ALMS1: variants seen among roughly 807,000 people sequenced by gnomAD.
The protein encoded by ALMS1 is centrosome-associated protein ALMS1.
Under a neutral mutation model 352.2 loss-of-function variants are expected in ALMS1, and 271 were observed. That is an observed-to-expected ratio of 0.77 (90% CI 0.70 to 0.85). The LOEUF (loss-of-function observed/expected upper bound fraction) is 0.85. Among genes scored for constraint, ALMS1 ranks in the 40% least tolerant of loss-of-function variants. The probability of loss-of-function intolerance (pLI) is 0.00; values close to 1 mark genes in which losing one functional copy is unlikely to be tolerated. For missense variants in ALMS1, 5,445 were observed against 4,870.7 expected, an observed-to-expected ratio of 1.12 and a Z score of -3.51; for synonymous variants, 1,865 against 1,761.2, an observed-to-expected ratio of 1.06 and a Z score of -1.48.
At chr2:73,515,056 G>T (rs1673527674) in intron 10 of ALMS1, among the ~76,000 whole-genome samples, 1 of 152,066 alleles carries the variant, frequency 6.6e-6, no homozygotes, top group Non-Finnish European at 1.5e-5. Flanking sequence ...CTTCTCCTAG[G>T]AGTAAGATTA....
intron 16 of ALMS1, among the ~76,000 whole-genome samples, chr2:73,598,910 A>C (rs573797591): frequency 6.6e-6 from 1 of 152,160 alleles, no homozygotes; most frequent in East Asian, 1.9e-4. Flanking sequence ...ACTCTCTAAT[A>C]CTTTTTGCAA....
At chr2:73,477,680 A>C (rs1010758369) in intron 9 of ALMS1, among the ~76,000 whole-genome samples, 1 of 152,252 alleles carries the variant, frequency 6.6e-6, no homozygotes, top group Admixed American at 6.5e-5. Context: ...TATACTAGAC[A>C]TATATTTATT....
intron 7 of ALMS1, among the ~76,000 whole-genome samples, chr2:73,439,762 A>G (rs149822870): frequency 2.0e-5 from 3 of 152,160 alleles, no homozygotes; most frequent in Non-Finnish European, 4.4e-5. Context: ...GATGGTCTGC[A>G]TCTCTTGACC....
rs1553404150 is a variant in ALMS1 at position 73,452,385 on chromosome 2, AG to A, written c.5860del (p.Glu1954SerfsTer12). 1 of 1,614,046 alleles carries A rather than the reference AG, an allele frequency of 6.2e-7. No homozygotes were observed. Among genetic ancestry groups the A allele is most frequent in the Non-Finnish European group, 8.5e-7 (1 of 1,179,964 alleles). Reference protein sequence around the residue: ...RREKPSVISQQELPDSHLTEE... With the variant: ...RREKPSVISQXELPDSHLTEE... Reference sequence around the variant, plus strand: ...GAGAAGCCCAGTGTTATCTCTCAACAGGAGTTGCCAGACAGTCATCTCACAG... The same window carrying A: ...GAGAAGCCCAGTGTTATCTCTCAACAGAGTTGCCAGACAGTCATCTCACAG... On this transcript the variant is annotated frameshift_variant, in exon 8 of 23. Transcript: ENST00000613296. LOFTEE classifies it high-confidence loss of function.
chr2:73,455,343 T>G (rs753902744), intron 9 of ALMS1, 48 bp downstream of exon 9: 1 of 1,607,854 alleles, frequency 6.2e-7, no homozygotes, highest in African/African-American at 1.3e-5. Context: ...AAAGAATGGG[T>G]GATGGAATTA....
intron 9 of ALMS1, among the ~76,000 whole-genome samples, chr2:73,482,699 A>G (rs1672737630): frequency 6.6e-6 from 1 of 152,112 alleles, no homozygotes; most frequent in Middle Eastern, 3.2e-3. Flanking sequence ...CTGTTAATCC[A>G]TCTGGTCCTG....
At chr2:73,593,190 GGAAA>G (rs1309018188) in intron 16 of ALMS1, among the ~76,000 whole-genome samples, 2 of 129,320 alleles carry the variant, frequency 1.5e-5, no homozygotes, top group Admixed American at 7.6e-5. Context: ...AATGGATTCA[GGAAA>G]AAAAAAAAAA....
chr2:73,511,125 C>G (rs1673443098), intron 10 of ALMS1, among the ~76,000 whole-genome samples: 1 of 152,164 alleles, frequency 6.6e-6, no homozygotes, highest in Non-Finnish European at 1.5e-5. Flanking sequence ...TGCTGGACTC[C>G]TTGGGGGTGG....
chr2:73,458,107 A>G (rs950563370), intron 9 of ALMS1: 11 of 148,868 alleles, frequency 7.4e-5, no homozygotes, highest in African/African-American at 2.7e-4. Context: ...GTACTTCACT[A>G]TACTGTCATT....
intron 12 of ALMS1, 123 bp downstream of exon 12, chr2:73,535,072 A>G: frequency 8.1e-7 from 1 of 1,230,802 alleles, no homozygotes; most frequent in Admixed American, 1.7e-5. Context: ...GGAACTTTTC[A>G]TACCTTGATC....
Position 73,490,134 on chromosome 2 carries a change from C to T in ALMS1, c.8175C>T (p.Cys2725=), listed in dbSNP as rs768328674. ...ITFSSHRHSK[C]ISNSSVVKVG... is the part of the protein sequence containing the mutation. ...TTTCATCTCACCGACATTCTAAATGCATTTCCAATTCCTCTGTTGTTAAGG... is the reference window on the plus strand; with the variant it reads ...TTTCATCTCACCGACATTCTAAATGTATTTCCAATTCCTCTGTTGTTAAGG... Residue 2725 remains cysteine, a synonymous_variant, in exon 10 of 23, where the codon TGC becomes TGT. Transcript: ENST00000613296. 6.2e-7 allele frequency: 1 copy of T among 1,614,168 alleles called. No individual in the cohort carries two copies. Among genetic ancestry groups the T allele is most frequent in the Non-Finnish European group, 8.5e-7 (1 of 1,180,032 alleles).
chr2:73,605,443 A>G (rs1427816492), intron 21 of ALMS1, among the ~76,000 whole-genome samples: 4 of 152,260 alleles, frequency 2.6e-5, no homozygotes, highest in Non-Finnish European at 5.9e-5. Context: ...CAGGGAATAG[A>G]TAGAAGATTC....
intron 9 of ALMS1, among the ~76,000 whole-genome samples, chr2:73,480,593 T>A (rs1252735670): frequency 6.6e-6 from 1 of 151,780 alleles, no homozygotes; most frequent in Non-Finnish European, 1.5e-5. Context: ...ATATACCCAG[T>A]AATGGGATGG....
chr2:73,385,877 C>G lies in ALMS1; in HGVS notation c.9C>G (p.Pro3=). The G allele has an allele frequency of 3.9e-6, 3 of 778,794 alleles. No homozygotes were observed. The highest frequency in any genetic ancestry group is 2.9e-5 in the South Asian group (2 of 68,266). The allele number at this position is 778,794 out of a possible 1,614,324, so 48.2% of individuals were successfully genotyped here. Residue 3 remains proline (P), a synonymous_variant, in exon 1 of 23, where the codon CCC becomes CCG. Coordinates refer to ENST00000613296, the MANE Select transcript of ALMS1 (RefSeq NM_001378454.1). ME[P]EDLPWPGELE... is the part of the protein sequence containing the mutation. ...CAGAGCGAGACACCAACATGGAGCC[C>G]GAGGATCTGCCATGGCCGGGCGAGC...
At chr2:73,528,496 A>G (rs938721535) in intron 11 of ALMS1, among the ~76,000 whole-genome samples, 2 of 152,022 alleles carry the variant, frequency 1.3e-5, no homozygotes, top group African/African-American at 4.8e-5. Flanking sequence ...CTGTTTTTAT[A>G]ATTTTTGTCT....
intron 2 of ALMS1, among the ~76,000 whole-genome samples, chr2:73,412,033 T>C (rs1206946715): frequency 6.6e-6 from 1 of 152,234 alleles, no homozygotes; most frequent in Non-Finnish European, 1.5e-5. Flanking sequence ...CATTTTCTGT[T>C]TCTGTTTCCT....
chr2:73,398,644 T>C (rs1670813461), intron 1 of ALMS1, among the ~76,000 whole-genome samples: 2 of 152,226 alleles, frequency 1.3e-5, no homozygotes, highest in Admixed American at 1.3e-4. Context: ...CTCATATAGA[T>C]CTTACATGTA....
intron 21 of ALMS1, among the ~76,000 whole-genome samples, chr2:73,604,414 C>T (rs958667440): frequency 1.3e-5 from 2 of 152,140 alleles, no homozygotes; most frequent in African/African-American, 4.8e-5. Context: ...ATAATAAATA[C>T]AATTTTTAAA....
intron 14 of ALMS1, 124 bp from the exon 15 acceptor site, chr2:73,558,848 C>T (rs1006305427): frequency 2.8e-6 from 3 of 1,063,276 alleles, no homozygotes; most frequent in East Asian, 2.6e-5. Flanking sequence ...AAACGCATTT[C>T]TGAGTCATCT....
Sources: allele counts gnomAD v4.1 joint callset (sites outside exome capture counted in the v4.1 genomes callset), GRCh38; gene constraint gnomAD v4.1.1; transcripts MANE v1.5; gene names NCBI Gene and HGNC (gene_info 2026-07-23, HGNC 2026-07-21).